C9orf85: variants seen among roughly 807,000 people sequenced by gnomAD.
C9orf85 encodes the protein chromosome 9 open reading frame 85, also known as uncharacterized protein C9orf85.
C9orf85 carries 16 observed loss-of-function variants against 14.9 expected under a neutral mutation model. The observed-to-expected ratio is 1.08, with a 90% CI of 0.73 to 1.63. The LOEUF is 1.63. Among genes scored for constraint, C9orf85 ranks in the 40% most tolerant of loss-of-function variants. The pLI is 0.00. For synonymous variants in C9orf85, 45 were observed against 56.8 expected, an observed-to-expected ratio of 0.79 and a Z score of 0.93; for missense variants, 172 against 186.1, an observed-to-expected ratio of 0.92 and a Z score of 0.44.
intron 2 of C9orf85, among the ~76,000 whole-genome samples, chr9:71,957,096 G>A (rs1414298419): frequency 6.6e-6 from 1 of 152,016 alleles, no homozygotes; most frequent in African/African-American, 2.4e-5. Context: ...TTACAGTCAT[G>A]AGCTACAGCA....
intron 3 of C9orf85, among the ~76,000 whole-genome samples, chr9:71,979,801 T>C (rs1823062912): frequency 6.6e-6 from 1 of 152,122 alleles, no homozygotes; most frequent in Admixed American, 6.5e-5. Flanking sequence ...GATCAAAAAA[T>C]TGATATTTTA....
intron 1 of C9orf85, among the ~76,000 whole-genome samples, chr9:71,944,559 G>C (rs1236640310): frequency 6.6e-6 from 1 of 151,928 alleles, no homozygotes; most frequent in East Asian, 1.9e-4. Flanking sequence ...TCTACCATGA[G>C]GGATACACTA....
At chr9:71,975,058 A>G (rs888729711), downstream of C9orf85, among the ~76,000 whole-genome samples, 5 of 152,266 alleles carry the variant, frequency 3.3e-5, no homozygotes, top group African/African-American at 1.2e-4. Flanking sequence ...GCAGACATAG[A>G]TAACATTTCA....
At chr9:71,952,995 G>A (rs1203761610) in intron 2 of C9orf85, among the ~76,000 whole-genome samples, 2 of 152,140 alleles carry the variant, frequency 1.3e-5, no homozygotes, top group Admixed American at 1.3e-4. Context: ...GTCTGAGCTT[G>A]GAACTGGACC....
intron 2 of C9orf85, among the ~76,000 whole-genome samples, chr9:71,962,103 C>T (rs962703402): frequency 1.3e-5 from 2 of 152,056 alleles, no homozygotes; most frequent in African/African-American, 4.8e-5. Context: ...GAAGTTGAGG[C>T]TTCAATGAGC....
At chr9:71,978,332 A>C (rs925918263), downstream of C9orf85, among the ~76,000 whole-genome samples, 1 of 152,026 alleles carries the variant, frequency 6.6e-6, no homozygotes, top group Non-Finnish European at 1.5e-5. Context: ...CTGGTCTCAA[A>C]CTCCTGACCT....
chr9:71,938,375 A>C (rs1589254618), intron 1 of C9orf85, among the ~76,000 whole-genome samples: 1 of 152,208 alleles, frequency 6.6e-6, no homozygotes, highest in Non-Finnish European at 1.5e-5. Context: ...TATCCAAATA[A>C]TTATGTGTAC....
chr9:71,929,626 C>T (rs1208525837), intron 1 of C9orf85, among the ~76,000 whole-genome samples: 5 of 151,854 alleles, frequency 3.3e-5, no homozygotes, highest in Non-Finnish European at 7.4e-5. Flanking sequence ...TTTCCAACTT[C>T]GAAATTTTGT....
intron 3 of C9orf85, among the ~76,000 whole-genome samples, chr9:71,980,461 A>G (rs1823078178): frequency 6.6e-6 from 1 of 152,212 alleles, no homozygotes; most frequent in South Asian, 2.1e-4. Context: ...GTTAGAAAAG[A>G]TGGTCTAGAA....
chr9:71,978,402 G>A (rs767098858), downstream of C9orf85, among the ~76,000 whole-genome samples: 3 of 152,120 alleles, frequency 2.0e-5, no homozygotes, highest in Non-Finnish European at 2.9e-5. Flanking sequence ...GAGCCACTGC[G>A]CCCGGTCACT....
At chr9:71,953,276 C>T (rs1243863489) in intron 2 of C9orf85, among the ~76,000 whole-genome samples, 1 of 152,166 alleles carries the variant, frequency 6.6e-6, no homozygotes, top group Non-Finnish European at 1.5e-5. Flanking sequence ...CAGTGGTTTT[C>T]AAACTTTTCA....
chr9:71,937,103 T>C (rs1047685077), intron 1 of C9orf85, among the ~76,000 whole-genome samples: 5 of 152,200 alleles, frequency 3.3e-5, no homozygotes, highest in African/African-American at 1.2e-4. Flanking sequence ...GCGCAGTGTT[T>C]GTTAGAATGC....
downstream of C9orf85, among the ~76,000 whole-genome samples, chr9:71,975,408 T>C (rs1166300502): frequency 7.3e-6 from 1 of 137,122 alleles, no homozygotes; most frequent in African/African-American, 2.8e-5. Flanking sequence ...GCCATTGCAC[T>C]ACAGCCTGGG....
intron 2 of C9orf85, among the ~76,000 whole-genome samples, chr9:71,958,081 G>A (rs548217797): frequency 3.4e-4 from 51 of 151,990 alleles, no homozygotes; most frequent in African/African-American, 1.2e-3. Flanking sequence ...CTATTGGTGG[G>A]AATTTTGAGA....
downstream of C9orf85, among the ~76,000 whole-genome samples, chr9:71,974,075 C>T (rs1386275003): frequency 4.0e-5 from 6 of 151,260 alleles, no homozygotes; most frequent in South Asian, 2.1e-4. Context: ...TACAGGTGCC[C>T]GCCACCACGC....
downstream of C9orf85, among the ~76,000 whole-genome samples, chr9:71,978,312 G>A (rs1440591169): frequency 6.6e-6 from 1 of 152,104 alleles, no homozygotes; most frequent in Non-Finnish European, 1.5e-5. Flanking sequence ...GTTTTGCAAT[G>A]TTGGCCAGGC....
chr9:71,950,771 A>G (rs2132316189), intron 2 of C9orf85, among the ~76,000 whole-genome samples: 1 of 152,332 alleles, frequency 6.6e-6, no homozygotes, highest in African/African-American at 2.4e-5. Flanking sequence ...TATTGCCACA[A>G]ATTGTGTAAC....
At chr9:71,957,197 C>T (rs1439613321) in intron 2 of C9orf85, among the ~76,000 whole-genome samples, 1 of 152,046 alleles carries the variant, frequency 6.6e-6, no homozygotes, top group Non-Finnish European at 1.5e-5. Flanking sequence ...ATTATCAAGC[C>T]CCTTCACATC....
chr9:71,947,285 G>A (rs182730811), intron 2 of C9orf85, among the ~76,000 whole-genome samples, 173 bp downstream of exon 2: 123 of 152,200 alleles, frequency 8.1e-4, no homozygotes, highest in Non-Finnish European at 1.2e-3. Context: ...TGTGAAGGCC[G>A]ACAGATTTAA....
Sources: gnomAD v4.1 joint callset for allele counts (sites outside exome capture counted in the v4.1 genomes callset) on GRCh38, gnomAD v4.1.1 for gene constraint, MANE v1.5 for transcripts, NCBI Gene and HGNC (gene_info 2026-07-23, HGNC 2026-07-21) for gene names.